The following KRT80 variants were observed in gnomAD, a reference collection of about 807,000 sequenced individuals.
The protein encoded by KRT80 is keratin 80.
KRT80 carries 36 observed loss-of-function variants against 51.5 expected under a neutral mutation model. The observed-to-expected ratio is 0.70, with a 90% CI of 0.54 to 0.92. KRT80 has a LOEUF of 0.92. Among genes scored for constraint, KRT80 ranks in the 40% least tolerant of loss-of-function variants. The probability of loss-of-function intolerance (pLI) is 0.00; values close to 1 mark genes in which losing one functional copy is unlikely to be tolerated. For synonymous variants in KRT80, 235 were observed against 248.3 expected, an observed-to-expected ratio of 0.95 and a Z score of 0.50; for missense variants, 566 against 591.7, an observed-to-expected ratio of 0.96 and a Z score of 0.45.
chr12:52,188,993 T>C (rs1278239220), intron 1 of KRT80, among the ~76,000 whole-genome samples: 1 of 152,164 alleles, frequency 6.6e-6, no homozygotes, highest in Non-Finnish European at 1.5e-5. Context: ...AGCAGTGGAA[T>C]CTGGGGCGCA....
chr12:52,189,222 A>C (rs1941446962), intron 1 of KRT80, among the ~76,000 whole-genome samples: 1 of 151,764 alleles, frequency 6.6e-6, no homozygotes, highest in African/African-American at 2.4e-5. Flanking sequence ...TGGGTCCATA[A>C]TTGCTCAACA....
At chr12:52,176,076 T>C (rs1941215652) in intron 4 of KRT80, among the ~76,000 whole-genome samples, 2 of 152,204 alleles carry the variant, frequency 1.3e-5, no homozygotes, top group African/African-American at 2.4e-5. Context: ...ATAGCAGGAC[T>C]TCCCAGTCAG....
rs1941086592 is a variant in KRT80 at position 52,171,041 on chromosome 12, A to T, written c.*357T>A. The T allele has an allele frequency of 5.2e-6, 1 of 192,788 alleles. No individual in the cohort carries two copies. The highest frequency in any genetic ancestry group is 1.1e-4 in the South Asian group (1 of 8,716). The allele number at this position is 192,788 out of a possible 1,614,324, so 11.9% of individuals were successfully genotyped here. ...GAGTCAAGGTCAAGGATTGGGCAAG[A>T]GTCAGAGGGGCCTTGGCAGAGCCTG... On this transcript the variant is annotated 3_prime_UTR_variant, in exon 9 of 9. Coordinates refer to ENST00000394815, the MANE Select transcript of KRT80 (RefSeq NM_182507.3).
intron 4 of KRT80, among the ~76,000 whole-genome samples, chr12:52,179,834 AC>A (rs1259594645): frequency 6.6e-6 from 1 of 152,084 alleles, no homozygotes; most frequent in African/African-American, 2.4e-5. Flanking sequence ...CAGGAGTGTC[AC>A]CCCTGAACCT....
intron 5 of KRT80, 60 bp downstream of exon 5, chr12:52,173,540 C>A: frequency 6.4e-7 from 1 of 1,568,380 alleles, no homozygotes; most frequent in Non-Finnish European, 8.7e-7. Flanking sequence ...CAGTCCAGCC[C>A]TTCCTGCCAC....
Position 52,191,699 on chromosome 12 carries a change from C to A in KRT80, c.204G>T (p.Leu68=). Residue 68 remains leucine (L), a synonymous_variant, in exon 1 of 9, where the codon CTG becomes CTT. Coordinates refer to ENST00000394815, the MANE Select transcript of KRT80 (RefSeq NM_182507.3). Reference sequence around the variant, plus strand: ...GAACAGCGGGGTCCAACTTGACATCCAGGGGCACCAGCAGGCCGGGGTTCA... The same window carrying A: ...GAACAGCGGGGTCCAACTTGACATCAAGGGGCACCAGCAGGCCGGGGTTCA... The part of the protein sequence containing the change: ...VTVNPGLLVP[L]DVKLDPAVQQ... The A allele has an allele frequency of 6.2e-7, 1 of 1,613,838 alleles. No individual in the cohort carries two copies. Among genetic ancestry groups the A allele is most frequent in the Non-Finnish European group, 8.5e-7 (1 of 1,179,864 alleles).
intron 4 of KRT80, among the ~76,000 whole-genome samples, chr12:52,179,090 G>T (rs1331056073): frequency 1.3e-5 from 2 of 152,240 alleles, no homozygotes; most frequent in Non-Finnish European, 2.9e-5. Context: ...TGAGACATCA[G>T]TGAGCAGGTA....
intron 1 of KRT80, among the ~76,000 whole-genome samples, chr12:52,186,126 C>T (rs567149408): frequency 3.4e-4 from 51 of 151,912 alleles, no homozygotes; most frequent in Non-Finnish European, 6.8e-4. Context: ...CTGCGCGGTC[C>T]TCTCCTTCCC....
chr12:52,191,637 G>A lies in KRT80; in HGVS notation c.266C>T (p.Ala89Val). Residue 89 changes from alanine to valine, a missense_variant, in exon 1 of 9, where the codon GCC (alanine) becomes GTC (valine). Transcript: ENST00000394815. ...LKNQEKEEMK[A>V]LNDKFASLIG... ...TAGGGAGGCAAATTTATCATTGAGG[G>A]CCTTCATCTCCTCCTTCTCCTGGTT... 15 of 1,603,668 alleles carry A rather than the reference G, an allele frequency of 9.4e-6. No individual in the cohort carries two copies. The highest frequency in any genetic ancestry group is 1.2e-5 in the Non-Finnish European group (14 of 1,172,636).
At chr12:52,173,857 A>G in intron 4 of KRT80, 93 bp from the exon 5 acceptor site, 1 of 1,278,508 alleles carries the variant, frequency 7.8e-7, no homozygotes, top group Non-Finnish European at 1.1e-6. Context: ...GGGTGAGCGG[A>G]GAGTGGAGCT....
intron 1 of KRT80, among the ~76,000 whole-genome samples, chr12:52,186,699 G>T (rs950424755): frequency 6.6e-6 from 1 of 152,210 alleles, no homozygotes; most frequent in Non-Finnish European, 1.5e-5. Flanking sequence ...CCCTTCATGG[G>T]CTGGCTTCTG....
At chr12:52,177,893 G>A (rs1003634960) in intron 4 of KRT80, among the ~76,000 whole-genome samples, 21 of 151,858 alleles carry the variant, frequency 1.4e-4, no homozygotes, top group African/African-American at 9.7e-5. Context: ...GGTAGATGTC[G>A]AAATAATTAT....
At chr12:52,174,466 C>A (rs1228720422) in intron 4 of KRT80, among the ~76,000 whole-genome samples, 1 of 152,256 alleles carries the variant, frequency 6.6e-6, no homozygotes, top group African/African-American at 2.4e-5. Context: ...CCCTCTCTAG[C>A]CAAGGGACAT....
At chr12:52,172,653 C>T (rs1326525384) in intron 6 of KRT80, among the ~76,000 whole-genome samples, 1 of 152,132 alleles carries the variant, frequency 6.6e-6, no homozygotes, top group African/African-American at 2.4e-5. Context: ...GGAGCCTGTC[C>T]CGGCTGTCCT....
chr12:52,191,528 C>T, intron 1 of KRT80, 75 bp downstream of exon 1: 14 of 1,426,560 alleles, frequency 9.8e-6, no homozygotes. Flanking sequence ...GATCGATGCT[C>T]AGGGAAACAC....
intron 4 of KRT80, among the ~76,000 whole-genome samples, chr12:52,174,394 G>A (rs1941181753): frequency 6.6e-6 from 1 of 152,264 alleles, no homozygotes; most frequent in African/African-American, 2.4e-5. Flanking sequence ...AGCCTGTGAG[G>A]AGCCTGGGCG....
At chr12:52,183,901 C>T (rs932433048) in intron 2 of KRT80, among the ~76,000 whole-genome samples, 3 of 152,246 alleles carry the variant, frequency 2.0e-5, no homozygotes, top group Admixed American at 2.0e-4. Flanking sequence ...ATTCTCTGAG[C>T]CTTTGAGGGC....
At chr12:52,188,249 C>T (rs906908904) in intron 1 of KRT80, among the ~76,000 whole-genome samples, 13 of 152,202 alleles carry the variant, frequency 8.5e-5, no homozygotes, top group African/African-American at 3.1e-4. Context: ...GATTCCTCCT[C>T]TCTGTTCTGC....
At position 52,172,078 on chromosome 12, in the gene KRT80, C is replaced by G; in HGVS notation, c.1178+120G>C. ...CAGTTTGTAAGTGACTAAGCCAAGA[C>G]TTAAACCCAGGCCTGGTAGGCTCAC... On this transcript the variant is annotated intron_variant, in intron 7 of 8. Coordinates refer to ENST00000394815, the MANE Select transcript of KRT80 (RefSeq NM_182507.3). 3.5e-6 allele frequency: 4 copies of G among 1,131,052 alleles called. No homozygotes were observed. The South Asian group carries it at 5.9e-5, about 17-fold the overall frequency. The allele number at this position is 1,131,052 out of a possible 1,614,324, so 70.1% of individuals were successfully genotyped here.
Sources: gnomAD v4.1 joint callset for allele counts (sites outside exome capture counted in the v4.1 genomes callset) on GRCh38, gnomAD v4.1.1 for gene constraint, MANE v1.5 for transcripts, NCBI Gene and HGNC (gene_info 2026-07-23, HGNC 2026-07-21) for gene names.